ALDH3B1: variants seen among roughly 807,000 people sequenced by gnomAD.
ALDH3B1 encodes aldehyde dehydrogenase 3 family member B1.
A neutral mutation model predicts 46.2 loss-of-function variants in ALDH3B1; 37 were observed. The ratio of observed to expected loss-of-function variants is 0.80; its 90% CI spans 0.62 to 1.05. ALDH3B1 has a LOEUF of 1.05. ALDH3B1 is among the 50% of genes least tolerant of loss of function. The pLI is 0.00. For synonymous variants in ALDH3B1, 283 were observed against 281.0 expected, an observed-to-expected ratio of 1.01 and a Z score of -0.07; for missense variants, 603 against 665.5, an observed-to-expected ratio of 0.91 and a Z score of 1.03.
rs943223262 is a variant in ALDH3B1 at position 68,028,435 on chromosome 11, G to C, written c.*496G>C. 1 of 254,766 alleles carries C rather than the reference G, an allele frequency of 3.9e-6. No individual in the cohort carries two copies. Among genetic ancestry groups the C allele is most frequent in the Non-Finnish European group, 8.0e-6 (1 of 125,014 alleles). 15.8% of individuals were successfully genotyped at this position (254,766 alleles called of 1,614,324 possible). A position where few individuals can be genotyped will look rare whatever the true frequency, so the allele number is the denominator to read the frequency against. On this transcript the variant is annotated 3_prime_UTR_variant, in exon 10 of 10. Transcript: ENST00000342456. ...CTCACACCTGTAATCCCAGCACTTTGGGAGGCCGAGGCAGGCGGATCACCT... is the reference window on the plus strand; with the variant it reads ...CTCACACCTGTAATCCCAGCACTTTCGGAGGCCGAGGCAGGCGGATCACCT...
rs1241501274 is a variant in ALDH3B1, at chr11:68,018,685, T to TC, written c.273+51dup. 3.9e-6 allele frequency: 6 copies of TC among 1,548,846 alleles called. No individual in the cohort carries two copies. The East Asian group carries it at 1.2e-4, about 32-fold the overall frequency. The stretch of plus-strand genomic sequence containing the variant: ...GGCAGGGGGCTCAGGGGATATTTGC[T>TC]CCCACAGGGTGGCCCCTCTGGGTGG... On this transcript the variant is annotated intron_variant, in intron 3 of 9. Coordinates refer to ENST00000342456, the MANE Select transcript of ALDH3B1 (RefSeq NM_000694.4).
In ALDH3B1 at chr11:68,019,270, C is replaced by T. The variant is rs1229058381; in HGVS notation, c.480+15C>T. 18 of 1,608,842 alleles carry T rather than the reference C, an allele frequency of 1.1e-5. No individual in the cohort carries two copies. Among genetic ancestry groups the T allele is most frequent in the East Asian group, 9.0e-5 (4 of 44,668 alleles). On this transcript the variant is annotated intron_variant, in intron 5 of 9. Coordinates refer to ENST00000342456, the MANE Select transcript of ALDH3B1 (RefSeq NM_000694.4). ...ACGTGGACCAGGTGAGCAGGGCTGC[C>T]GGGCAGGTAGAGCGGGAACAGGCAA... is the stretch of plus-strand genomic sequence containing the variant.
At position 68,021,422 on chromosome 11, in the gene ALDH3B1, G is replaced by A; in HGVS notation, c.563-63G>A. On this transcript the variant is annotated intron_variant, in intron 6 of 9. Coordinates refer to ENST00000342456, the MANE Select transcript of ALDH3B1 (RefSeq NM_000694.4). ...CTCTCCAGGGAGGAGCGGGGCCGTGGGCTGGGCCATCCCGCCTGGTCCAGG... is the reference window on the plus strand; with the variant it reads ...CTCTCCAGGGAGGAGCGGGGCCGTGAGCTGGGCCATCCCGCCTGGTCCAGG... The A allele has an allele frequency of 1.9e-6, 3 of 1,560,190 alleles. No homozygotes were observed. The South Asian group carries it at 3.7e-5, about 19-fold the overall frequency.
rs1374871246 is a variant in ALDH3B1, at chr11:68,028,727, AGGATTGAG to A, written c.*803_*810del. On this transcript the variant is annotated 3_prime_UTR_variant, in exon 10 of 10. Transcript: ENST00000342456. Reference sequence around the variant, plus strand: ...TGGGACTGTTGCAAGGATGAAATGAAGGATTGAGGGATTGAGGGATTGCTGAGCTGGAG... The same window carrying A: ...TGGGACTGTTGCAAGGATGAAATGAAGGATTGAGGGATTGCTGAGCTGGAG... The A allele has an allele frequency of 6.6e-6, 1 of 150,626 alleles. No homozygotes were observed. Among genetic ancestry groups the A allele is most frequent in the African/African-American group, 2.4e-5 (1 of 40,830 alleles). 9.3% of individuals were successfully genotyped at this position (150,626 alleles called of 1,614,324 possible).
chr11:68,020,923 G>T (rs1349751954), intron 6 of ALDH3B1, among the ~76,000 whole-genome samples: 1 of 152,160 alleles, frequency 6.6e-6, no homozygotes, highest in Admixed American at 6.5e-5. Context: ...GCCCCTGGAG[G>T]CCAGCACAGA....
At chr11:68,026,587 C>G (rs1034988719) in intron 9 of ALDH3B1, among the ~76,000 whole-genome samples, 5 of 152,140 alleles carry the variant, frequency 3.3e-5, no homozygotes, top group Admixed American at 1.3e-4. Flanking sequence ...CTCCACCCCC[C>G]AGAGCAGCCC....
At chr11:68,026,950 C>A (rs1302475263) in intron 9 of ALDH3B1, among the ~76,000 whole-genome samples, 1 of 152,124 alleles carries the variant, frequency 6.6e-6, no homozygotes, top group Non-Finnish European at 1.5e-5. Flanking sequence ...GCCTCCTCAA[C>A]CCGCCTCCCT....
rs1331446817 is a variant in ALDH3B1 at position 68,023,977 on chromosome 11, A to AG, written c.1116+1216_1116+1217insG. 3.9e-5 allele frequency among the ~76,000 whole-genome samples: 6 copies of AG among 152,162 alleles called. No individual in the cohort carries two copies. In the East Asian group the frequency reaches 1.2e-3, roughly 29 times the overall value. On this transcript the variant is annotated intron_variant, in intron 8 of 9. Coordinates refer to ENST00000342456, the MANE Select transcript of ALDH3B1 (RefSeq NM_000694.4). ...GAAGGATCTCCTGACCCATAAAAAA[A>AG]AAAAAAAAGTGACAGCAGTGCTTTA...
At chr11:68,019,305 G>A in intron 5 of ALDH3B1, 50 bp downstream of exon 5, 2 of 1,542,460 alleles carry the variant, frequency 1.3e-6, no homozygotes, top group Non-Finnish European at 1.8e-6. Context: ...AGGCTCAAGG[G>A]CTGGGCAGCC....
In ALDH3B1 at chr11:68,019,271, G is replaced by A. The variant is rs577915067; in HGVS notation, c.480+16G>A. On this transcript the variant is annotated intron_variant, in intron 5 of 9. Coordinates refer to ENST00000342456, the MANE Select transcript of ALDH3B1 (RefSeq NM_000694.4). ...CGTGGACCAGGTGAGCAGGGCTGCC[G>A]GGCAGGTAGAGCGGGAACAGGCAAG... The A allele has an allele frequency of 5.2e-5, 84 of 1,608,608 alleles. No individual in the cohort carries two copies. Among genetic ancestry groups the A allele is most frequent in the East Asian group, 1.1e-4 (5 of 44,628 alleles).
chr11:68,019,071 G>T, intron 4 of ALDH3B1, 99 bp from the exon 5 acceptor site: 2 of 1,472,614 alleles, frequency 1.4e-6, no homozygotes, highest in Non-Finnish European at 1.8e-6. Context: ...ACCAGGTTCT[G>T]CATCTGAAAG....
chr11:68,008,822 C>A (rs308337), upstream of ALDH3B1: 7,595 of 152,518 alleles, frequency 0.05, 551 homozygotes, highest in African/African-American at 0.16. Context: ...GCGGCAGGCC[C>A]AGGAAGGGGC....
At chr11:68,017,331 T>C (rs141065476) in intron 2 of ALDH3B1, 1 of 152,460 alleles carries the variant, frequency 6.6e-6, no homozygotes, top group East Asian at 1.9e-4. Flanking sequence ...TTCCTCCCTC[T>C]TGGGGCTCAG....
At chr11:68,009,932 C>T (rs929175140), upstream of ALDH3B1, among the ~76,000 whole-genome samples, 4 of 152,090 alleles carry the variant, frequency 2.6e-5, no homozygotes, top group African/African-American at 9.7e-5. Context: ...CCTTGCTATT[C>T]TGGGCCATAA....
intron 8 of ALDH3B1, among the ~76,000 whole-genome samples, chr11:68,023,557 G>A (rs1311533835): frequency 3.3e-5 from 5 of 151,702 alleles, no homozygotes; most frequent in South Asian, 4.2e-4. Flanking sequence ...CACCTGCCTC[G>A]GCCTCCCAAA....
intron 5 of ALDH3B1, 27 bp downstream of exon 5, chr11:68,019,282 G>C (rs751481512): frequency 6.2e-7 from 1 of 1,600,112 alleles, no homozygotes. Context: ...GGCAGGTAGA[G>C]CGGGAACAGG....
At chr11:68,011,630 G>C (rs78367539) in intron 1 of ALDH3B1, among the ~76,000 whole-genome samples, 4,740 of 152,280 alleles carry the variant, frequency 0.031, 182 homozygotes, top group African/African-American at 0.09. Context: ...CCTGAAGTTG[G>C]CCTAGTGATC....
rs1366347104 is a variant in ALDH3B1 at position 68,018,779 on chromosome 11, C to G, written c.280C>G (p.Gln94Glu). 1 of 1,553,604 alleles carries G rather than the reference C, an allele frequency of 6.4e-7. No homozygotes were observed. Among genetic ancestry groups the G allele is most frequent in the Non-Finnish European group, 8.7e-7 (1 of 1,148,510 alleles). ...DERVPKNLAT[Q>E]LDSAFIRKEP... ...TCCCCGGCTCCCGGCCCAGGCCACG[C>G]AGCTGGACTCCGCCTTCATCCGGAA... Residue 94 changes from glutamine to glutamate, a missense_variant, in exon 4 of 10, where the codon CAG becomes GAG. By Grantham distance (29) the Gln-to-Glu change is conservative. Coordinates refer to ENST00000342456, the MANE Select transcript of ALDH3B1 (RefSeq NM_000694.4).
At chr11:68,010,006 G>C (rs1359056135), upstream of ALDH3B1, among the ~76,000 whole-genome samples, 2 of 152,168 alleles carry the variant, frequency 1.3e-5, no homozygotes, top group Non-Finnish European at 2.9e-5. Flanking sequence ...CCCACACCGG[G>C]ATTCCCAGGG....
Sources: allele counts gnomAD v4.1 joint callset (sites outside exome capture counted in the v4.1 genomes callset), GRCh38; gene constraint gnomAD v4.1.1; transcripts MANE v1.5; gene names NCBI Gene and HGNC (gene_info 2026-07-23, HGNC 2026-07-21).